PCDHGA5: variants seen among roughly 807,000 people sequenced by gnomAD.
The protein encoded by PCDHGA5 is protocadherin gamma subfamily A, 5, also known as protocadherin gamma-A5.
PCDHGA5 carries 36 observed loss-of-function variants against 56.7 expected under a neutral mutation model. The ratio of observed to expected loss-of-function variants is 0.64; its 90% CI spans 0.49 to 0.84. PCDHGA5 has a LOEUF of 0.84. PCDHGA5 is among the 40% of genes least tolerant of loss of function. The pLI is 0.00. For missense variants in PCDHGA5, 1,305 were observed against 1,201.5 expected, an observed-to-expected ratio of 1.09 and a Z score of -1.27; for synonymous variants, 563 against 520.2, an observed-to-expected ratio of 1.08 and a Z score of -1.12.
intron 1 of PCDHGA5, chr5:141,402,883 G>A (rs1418475947): frequency 6.7e-7 from 1 of 1,483,116 alleles, no homozygotes; most frequent in South Asian, 1.4e-5. Flanking sequence ...ACTTTGCAGG[G>A]TGGAAGAAAG....
intron 1 of PCDHGA5, among the ~76,000 whole-genome samples, chr5:141,483,164 T>C (rs1051456583): frequency 1.1e-4 from 17 of 152,148 alleles, no homozygotes; most frequent in Non-Finnish European, 2.5e-4. Context: ...AGATCCTGAG[T>C]TACCTTTGGG....
intron 1 of PCDHGA5, chr5:141,395,376 T>G (rs1589259426): frequency 1.7e-6 from 2 of 1,180,196 alleles, no homozygotes; most frequent in East Asian, 5.2e-5. Flanking sequence ...TTTGGTGGTG[T>G]TACTATAAAA....
At chr5:141,433,364 T>C (rs1246641841) in intron 1 of PCDHGA5, 1 of 524,614 alleles carries the variant, frequency 1.9e-6, no homozygotes, top group Admixed American at 3.5e-5. Context: ...TCTGCCTATC[T>C]ATCTATCTAT....
At chr5:141,459,723 T>G (rs1024452676) in intron 1 of PCDHGA5, among the ~76,000 whole-genome samples, 3 of 152,254 alleles carry the variant, frequency 2.0e-5, no homozygotes, top group African/African-American at 7.2e-5. Context: ...ATGCTTCCTA[T>G]TGTCAATTTT....
intron 1 of PCDHGA5, chr5:141,430,886 T>C: frequency 6.2e-7 from 1 of 1,605,190 alleles, no homozygotes; most frequent in Non-Finnish European, 8.5e-7. Context: ...GGAGAAAGGC[T>C]CTAGGGTGGG....
At chr5:141,465,767 T>A (rs1427458413) in intron 1 of PCDHGA5, among the ~76,000 whole-genome samples, 1 of 152,016 alleles carries the variant, frequency 6.6e-6, no homozygotes, top group Non-Finnish European at 1.5e-5. Context: ...TCATGTTTCA[T>A]CTCTTGTTAC....
chr5:141,403,074 A>T (rs777613681), intron 1 of PCDHGA5: 1 of 1,614,088 alleles, frequency 6.2e-7, no homozygotes, highest in South Asian at 1.1e-5. Context: ...GAGACAGAAA[A>T]GGGCTATATT....
At chr5:141,379,527 T>C (rs1182908156) in intron 1 of PCDHGA5, 1 of 152,228 alleles carries the variant, frequency 6.6e-6, no homozygotes, top group African/African-American at 2.4e-5. Context: ...GAGCATTTGT[T>C]GTTATAGGGA....
chr5:141,420,933 T>C (rs1227912236), intron 1 of PCDHGA5: 1 of 375,320 alleles, frequency 2.7e-6, no homozygotes, highest in African/African-American at 2.1e-5. Context: ...GTGAGCGTAA[T>C]CATTTCTTCT....
At chr5:141,423,990 T>A (rs2096793990) in intron 1 of PCDHGA5, 2 of 1,090,000 alleles carry the variant, frequency 1.8e-6, no homozygotes, top group East Asian at 1.1e-4. Flanking sequence ...GCTCTCAATT[T>A]ATTATATATA....
intron 1 of PCDHGA5, chr5:141,403,191 G>T (rs368387997): frequency 6.2e-7 from 1 of 1,613,994 alleles, no homozygotes; most frequent in Non-Finnish European, 8.5e-7. Flanking sequence ...CTGAACCCGC[G>T]CAGCGGCACC....
At chr5:141,454,796 A>ATTTTTTTTTTTTTTTTTTTTTTTT (rs61612330) in intron 1 of PCDHGA5, among the ~76,000 whole-genome samples, 4 of 77,456 alleles carry the variant, frequency 5.2e-5, no homozygotes, top group Non-Finnish European at 9.3e-5. Flanking sequence ...CATGGTTCTA[A>ATTTTTTTTTTTTTTTTTTTTTTTT]TTTTTTTTTT....
intron 1 of PCDHGA5, chr5:141,417,649 C>G (rs1294192479): frequency 1.2e-6 from 1 of 826,168 alleles, no homozygotes; most frequent in East Asian, 2.8e-5. Flanking sequence ...CCCTCAGCCT[C>G]TAGCCTGGGA....
chr5:141,421,243 C>A (rs201273667), intron 1 of PCDHGA5: 1 of 1,601,658 alleles, frequency 6.2e-7, no homozygotes. Flanking sequence ...GAATCGGCTA[C>A]AGCGCGGGGA....
At chr5:141,442,294 C>A (rs1194203452) in intron 1 of PCDHGA5, 1 of 152,584 alleles carries the variant, frequency 6.6e-6, no homozygotes, top group Admixed American at 6.5e-5. Context: ...ATGATCCTGT[C>A]TGAGTCTTTC....
chr5:141,371,708 C>A (rs1767965097), intron 1 of PCDHGA5: 1 of 1,614,064 alleles, frequency 6.2e-7, no homozygotes, highest in East Asian at 2.2e-5. Flanking sequence ...GCAAGACCAT[C>A]ACTCTGCACA....
At chr5:141,500,260 C>G (rs2099798502) in intron 2 of PCDHGA5, among the ~76,000 whole-genome samples, 3 of 151,104 alleles carry the variant, frequency 2.0e-5, no homozygotes, top group African/African-American at 2.4e-5. Flanking sequence ...CCAGGCTGGA[C>G]TGCAGTGGCG....
chr5:141,398,175 G>C, intron 1 of PCDHGA5: 1 of 1,475,074 alleles, frequency 6.8e-7, no homozygotes, highest in Non-Finnish European at 9.0e-7. Flanking sequence ...GGCTGCCAGT[G>C]CTCTTTCTCT....
In PCDHGA5 at chr5:141,489,153, G is replaced by C; in HGVS notation, c.2422-5654G>C. Reference sequence around the variant, plus strand: ...TTTAAGAGGCTGGAAGGAGACATAAGAGACTTCAGCTGCTGCATTCCAAGC... The same window carrying C: ...TTTAAGAGGCTGGAAGGAGACATAACAGACTTCAGCTGCTGCATTCCAAGC... On this transcript the variant is annotated intron_variant, in intron 1 of 3. Coordinates refer to ENST00000518069, the MANE Select transcript of PCDHGA5 (RefSeq NM_018918.3). This position sits in a 1 kb window ranked among gnomAD's most constrained non-coding sequence, Gnocchi z 4.5. 1 of 935,832 alleles carries C rather than the reference G, an allele frequency of 1.1e-6. No individual in the cohort carries two copies. Among genetic ancestry groups the C allele is most frequent in the Non-Finnish European group, 1.6e-6 (1 of 627,178 alleles). The allele number at this position is 935,832 out of a possible 1,614,324, so 58.0% of individuals were successfully genotyped here.
Sources: gnomAD v4.1 joint callset for allele counts (sites outside exome capture counted in the v4.1 genomes callset) on GRCh38, gnomAD v4.1.1 for gene constraint, Gnocchi (gnomAD v3.1) non-coding constraint, MANE v1.5 for transcripts, NCBI Gene and HGNC (gene_info 2026-07-23, HGNC 2026-07-21) for gene names.